Variants in NT5C3A observed in about 807,000 individuals in gnomAD.
NT5C3A encodes 5'-nucleotidase, cytosolic IIIA.
Under a neutral mutation model 40.0 loss-of-function variants are expected in NT5C3A, and 23 were observed. That is an observed-to-expected ratio of 0.58 (90% CI 0.41 to 0.81). The LOEUF (loss-of-function observed/expected upper bound fraction) is 0.81. NT5C3A is among the 40% of genes least tolerant of loss of function. The pLI, the probability that NT5C3A is intolerant of heterozygous loss-of-function variation, is 0.00. For missense variants in NT5C3A, 328 were observed against 403.0 expected (o/e 0.81, Z 1.59); for synonymous variants, 130 against 141.4 (o/e 0.92, Z 0.57).
At chr7:33,048,278 C>T (rs998537825) in intron 1 of NT5C3A, among the ~76,000 whole-genome samples, 4 of 151,948 alleles carry the variant, frequency 2.6e-5, no homozygotes, top group African/African-American at 9.7e-5. Flanking sequence ...CTCTTAGGCT[C>T]AGGTGATCCT....
rs532010923 is a variant in NT5C3A at position 33,034,017 on chromosome 7, A to G, written c.139-7102T>C. Among the ~76,000 whole-genome samples the G allele has an allele frequency of 1.7e-4, 26 of 151,226 alleles. 1 individual carries two copies. The South Asian group carries it at 5.2e-3, about 30-fold the overall frequency. On this transcript the variant is annotated intron_variant, in intron 1 of 8. Coordinates refer to ENST00000610140, the MANE Select transcript of NT5C3A (RefSeq NM_001002010.5). ...GCCATTCTCCTGCCTCAGCCTCCCG[A>G]GTAGCTGGGACTACAGGTGCCCGCC...
chr7:33,023,586 T>C lies in NT5C3A; in HGVS notation c.307+453A>G, dbSNP rs4723236. 1,937 of 189,612 alleles carry C rather than the reference T, an allele frequency of 0.01. 72 individuals are homozygous for C. The East Asian group carries it at 0.14, about 13-fold the overall frequency. The allele number at this position is 189,612 out of a possible 1,614,324, so 11.7% of individuals were successfully genotyped here. On this transcript the variant is annotated intron_variant, in intron 3 of 8. Coordinates refer to ENST00000610140, the MANE Select transcript of NT5C3A (RefSeq NM_001002010.5). ...AAAATAATTTTTCAATTTACACATG[T>C]ACTAAAAGCAAATGAGAGAGTTCAT...
chr7:33,024,429 A>G (rs575891814), intron 2 of NT5C3A, among the ~76,000 whole-genome samples: 1 of 152,010 alleles, frequency 6.6e-6, no homozygotes, highest in Non-Finnish European at 1.5e-5. Context: ...GGAGGTCATT[A>G]TCTTAAGTGA....
intron 1 of NT5C3A, among the ~76,000 whole-genome samples, chr7:33,036,604 C>T (rs17471190): frequency 0.028 from 4,313 of 152,084 alleles, 90 homozygotes; most frequent in South Asian, 0.12. Flanking sequence ...AAATGAAGTA[C>T]ATATTTGCAA....
chr7:33,039,526 C>A (rs1786794088), intron 1 of NT5C3A, among the ~76,000 whole-genome samples: 1 of 127,808 alleles, frequency 7.8e-6, no homozygotes, highest in Admixed American at 8.5e-5. Flanking sequence ...TTTTCAGTAA[C>A]CTGTACTATT....
In NT5C3A at chr7:33,047,863, C is replaced by T. The variant is rs1188096193; in HGVS notation, c.138+14705G>A. 2.6e-5 allele frequency among the ~76,000 whole-genome samples: 4 copies of T among 152,098 alleles called. No individual in the cohort carries two copies. In the East Asian group the frequency reaches 7.7e-4, roughly 29 times the overall value. ...TTGAGACAGGGTCTCACTCTATCAC[C>T]CAGACTGGAGTGCAGTGGTATGATC... On this transcript the variant is annotated intron_variant, in intron 1 of 8. Coordinates refer to ENST00000610140, the MANE Select transcript of NT5C3A (RefSeq NM_001002010.5).
chr7:33,022,942 G>A (rs1201973176), intron 3 of NT5C3A, among the ~76,000 whole-genome samples: 2 of 150,206 alleles, frequency 1.3e-5, no homozygotes, highest in Non-Finnish European at 3.0e-5. Flanking sequence ...TTTCGAGACA[G>A]GGTCTTGTTT....
At chr7:33,055,808 G>A (rs1373060336) in intron 1 of NT5C3A, among the ~76,000 whole-genome samples, 1 of 152,190 alleles carries the variant, frequency 6.6e-6, no homozygotes, top group Admixed American at 6.5e-5. Flanking sequence ...TTAGTCAAGT[G>A]CAACTAATTT....
At chr7:33,041,136 T>C (rs1289225071) in intron 1 of NT5C3A, 2 of 985,148 alleles carry the variant, frequency 2.0e-6, no homozygotes, top group Non-Finnish European at 2.4e-6. Context: ...TCTGTACTAT[T>C]AGAACTGGCA....
chr7:33,057,955 G>A (rs1787632346), intron 1 of NT5C3A, among the ~76,000 whole-genome samples: 2 of 152,252 alleles, frequency 1.3e-5, no homozygotes, highest in South Asian at 2.1e-4. Context: ...TTACTTCACT[G>A]GATAAATACT....
chr7:33,027,388 C>T (rs912066302), intron 1 of NT5C3A, among the ~76,000 whole-genome samples: 1 of 152,184 alleles, frequency 6.6e-6, no homozygotes, highest in African/African-American at 2.4e-5. Context: ...ACCATTTATA[C>T]ACACAAAAAT....
At position 33,017,494 on chromosome 7, in the gene NT5C3A, C is replaced by A; in HGVS notation, c.638G>T (p.Gly213Val). The A allele has an allele frequency of 6.2e-7, 1 of 1,613,626 alleles. No homozygotes were observed. The highest frequency in any genetic ancestry group is 1.1e-5 in the South Asian group (1 of 91,068). The change falls in exon 7 of 9, where the codon GGT becomes GTT. Residue 213 changes from glycine (G) to valine (V), a missense_variant. Around this residue, in one of 3 missense-constraint regions of NT5C3A, gnomAD observed 280 missense variants for 317.2 expected, o/e 0.88. Coordinates refer to ENST00000610140, the MANE Select transcript of NT5C3A (RefSeq NM_001002010.5). ...AACTTTGACATTGGGATGATAAACA[C>A]CAGCTTGACGAATAACTTCCTCTAG... ...DVLEEVIRQA[G>V]VYHPNVKVVS... is the part of the protein sequence containing the mutation.
chr7:33,018,758 G>A (rs1358125818), intron 6 of NT5C3A, among the ~76,000 whole-genome samples: 2 of 151,614 alleles, frequency 1.3e-5, no homozygotes, highest in Non-Finnish European at 2.9e-5. Flanking sequence ...ACTGAGGCAG[G>A]AGAATGGCGT....
chr7:33,028,045 A>G (rs373764855), intron 1 of NT5C3A, among the ~76,000 whole-genome samples: 1 of 152,252 alleles, frequency 6.6e-6, no homozygotes, highest in Non-Finnish European at 1.5e-5. Context: ...TAAATTTGAA[A>G]AGCTGCTTCA....
intron 1 of NT5C3A, chr7:33,036,223 C>A (rs1786596458): frequency 3.8e-6 from 2 of 526,620 alleles, no homozygotes; most frequent in Non-Finnish European, 6.8e-6. Flanking sequence ...TAGTCCAACT[C>A]AATGAAACCT....
chr7:33,029,554 C>T, intron 1 of NT5C3A: 1 of 742,432 alleles, frequency 1.3e-6, no homozygotes, highest in Non-Finnish European at 2.0e-6. Context: ...GAAAGCAACA[C>T]AGGATATATA....
chr7:33,037,587 C>T (rs1370796415), intron 1 of NT5C3A, among the ~76,000 whole-genome samples: 4 of 152,158 alleles, frequency 2.6e-5, no homozygotes, highest in Non-Finnish European at 5.9e-5. Flanking sequence ...GGTCCCTACT[C>T]CCTTCCATTT....
At chr7:33,040,593 C>A (rs1786865395) in intron 1 of NT5C3A, among the ~76,000 whole-genome samples, 1 of 152,184 alleles carries the variant, frequency 6.6e-6, no homozygotes, top group Non-Finnish European at 1.5e-5. Flanking sequence ...AAAGAGACTT[C>A]TGAAGGTACT....
chr7:33,042,162 C>T (rs1033647550), intron 1 of NT5C3A, among the ~76,000 whole-genome samples: 4 of 151,946 alleles, frequency 2.6e-5, no homozygotes, highest in Admixed American at 2.6e-4. Flanking sequence ...CATGATGAAA[C>T]CCCATCTCTA....
Sources: gnomAD v4.1 joint callset for allele counts (sites outside exome capture counted in the v4.1 genomes callset) on GRCh38, gnomAD v4.1.1 for gene constraint, gnomAD v4.1.1 regional missense constraint, MANE v1.5 for transcripts, NCBI Gene and HGNC (gene_info 2026-07-23, HGNC 2026-07-21) for gene names.